The following MICAL1 variants were observed in gnomAD, a reference collection of about 807,000 sequenced individuals.
MICAL1 encodes the protein microtubule associated monooxygenase, calponin and LIM domain containing 1, also known as [F-actin]-monooxygenase MICAL1.
A neutral mutation model predicts 131.8 loss-of-function variants in MICAL1; 95 were observed. The observed-to-expected ratio is 0.72, with a 90% CI of 0.61 to 0.86. MICAL1 has a LOEUF of 0.86. MICAL1 is among the 40% of genes least tolerant of loss of function. MICAL1 has a pLI of 0.00. For synonymous variants in MICAL1, 546 were observed against 554.2 expected, an observed-to-expected ratio of 0.99 and a Z score of 0.21; for missense variants, 1,292 against 1,380.6, an observed-to-expected ratio of 0.94 and a Z score of 1.02.
rs1477806410 is a variant in MICAL1, at chr6:109,449,701, T to A, written c.1390A>T (p.Thr464Ser). 6.3e-7 allele frequency: 1 copy of A among 1,589,898 alleles called. No homozygotes were observed. Among genetic ancestry groups the A allele is most frequent in the South Asian group, 1.2e-5 (1 of 86,186 alleles). Residue 464 changes from threonine (T) to serine (S), a missense_variant, in exon 10 of 25, where the codon ACC (threonine) becomes TCC (serine). By Grantham distance (58) the Thr-to-Ser change is moderately conservative (BLOSUM62 1). Coordinates refer to ENST00000358807, the MANE Select transcript of MICAL1 (RefSeq NM_022765.4). ...CGGAGGTTCAGGTTGGGGTAGCGGG[T>A]GGCTGGGTCCAGCCCATACTGGGCC... ...NVAQYGLDPA[T>S]RYPNLNLRAV...
chr6:109,453,901 G>C lies in MICAL1; in HGVS notation c.258+38C>G, dbSNP rs550537810. ...CATCCTGTCCGTCCTCTGACTCCCC[G>C]CATGCTCCACACCCCATCCCAGGCA... On this transcript the variant is annotated intron_variant, in intron 2 of 24. Coordinates refer to ENST00000358807, the MANE Select transcript of MICAL1 (RefSeq NM_022765.4). 9 of 1,610,136 alleles carry C rather than the reference G, an allele frequency of 5.6e-6. No individual in the cohort carries two copies. The East Asian group carries it at 1.8e-4, about 32-fold the overall frequency.
rs1775335631 is a variant in MICAL1, at chr6:109,448,235, T to G, written c.1823A>C (p.His608Pro). The G allele has an allele frequency of 3.1e-6, 5 of 1,613,386 alleles. No homozygotes were observed. The highest frequency in any genetic ancestry group is 4.2e-6 in the Non-Finnish European group (5 of 1,179,984). The stretch of plus-strand genomic sequence containing the variant: ...GTGGGCCATGCTCTTGAAGGCACTG[T>G]GGAAGTGGCTGAGGTAGGCAATGAG... ...LGLIAYLSHF[H>P]SAFKSMAHSP... The change falls in exon 13 of 25, where the codon CAC becomes CCC. Residue 608 changes from histidine to proline, a missense_variant. His to Pro is a moderately conservative substitution (Grantham distance 77). Coordinates refer to ENST00000358807, the MANE Select transcript of MICAL1 (RefSeq NM_022765.4).
In MICAL1 at chr6:109,447,206, T is replaced by G. The variant is rs775766073; in HGVS notation, c.2094A>C (p.Ala698=). The G allele has an allele frequency of 1.9e-6, 3 of 1,614,030 alleles. No individual in the cohort carries two copies. The South Asian group carries it at 3.3e-5, about 18-fold the overall frequency. ...GGACATAGAGGTGTTCCCCACAAAG[T>G]GCACACAGGTCCCCAGCACCGGCCT... is the stretch of plus-strand genomic sequence containing the variant. ...HQEAGAGDLC[A]LCGEHLYVLE... The change falls in exon 17 of 25, where the codon GCA becomes GCC. Residue 698 remains alanine, a synonymous_variant. Coordinates refer to ENST00000358807, the MANE Select transcript of MICAL1 (RefSeq NM_022765.4).
chr6:109,448,501 G>C, intron 12 of MICAL1, 108 bp from the exon 13 acceptor site: 2 of 1,353,470 alleles, frequency 1.5e-6, no homozygotes, highest in South Asian at 2.5e-5. Context: ...TGGGGTACAA[G>C]AAGGCTTGAA....
At position 109,463,410 on chromosome 6, in the gene MICAL1, G is replaced by A. The variant is rs77852825; in HGVS notation, c.14+2254C>T. 417 of 152,270 alleles carry A rather than the reference G, an allele frequency of 2.7e-3. 1 individual carries two copies. Among genetic ancestry groups the A allele is most frequent in the African/African-American group, 9.6e-3 (400 of 41,544 alleles). 9.4% of individuals were successfully genotyped at this position (152,270 alleles called of 1,614,324 possible). On this transcript the variant is annotated intron_variant, in intron 1 of 24. Transcript: ENST00000630715. ...GGTCAAATAATTCAGGCATAGCTAG[G>A]ACTGATGCTCAAGTTAGAAACAGGT...
rs759254180 is a variant in MICAL1 at position 109,446,224 on chromosome 6, G to C, written c.2493C>G (p.Pro831=). ...AGGCGGAGCAGCTGCGGGGAGGCTT[G>C]GGTGGAGGCTCCATTTCCGGGTCAG... ...LTPDPEMEPP[P]KPPRSCSALA... The change falls in exon 19 of 25, where the codon CCC becomes CCG. Residue 831 remains proline, a synonymous_variant. Transcript: ENST00000358807. 5.0e-6 allele frequency: 8 copies of C among 1,605,882 alleles called. No individual in the cohort carries two copies. In the East Asian group the frequency reaches 1.6e-4, roughly 31 times the overall value.
Position 109,446,683 on chromosome 6 carries a change from C to T in MICAL1, c.2304+13G>A, listed in dbSNP as rs765709151. ...CCCATGCCCCAATATACATACACGC[C>T]TTCAGTCTTTACCGGACTCTCAGGG... On this transcript the variant is annotated intron_variant, in intron 18 of 24. Coordinates refer to ENST00000358807, the MANE Select transcript of MICAL1 (RefSeq NM_022765.4). The T allele has an allele frequency of 4.3e-5, 70 of 1,612,584 alleles. No homozygotes were observed. In the Admixed American group the frequency reaches 1.1e-3, roughly 26 times the overall value.
upstream of MICAL1, chr6:109,455,789 G>A (rs1346238080): frequency 4.5e-6 from 3 of 661,222 alleles, no homozygotes; most frequent in African/African-American, 1.2e-4. This position sits in a 1 kb window ranked among gnomAD's most constrained non-coding sequence, Gnocchi z 4.7. Flanking sequence ...GTGGGAGGGC[G>A]GGGGCGGGGG....
chr6:109,465,640 G>C (rs1164564937), intron 1 of MICAL1: 2 of 1,548,056 alleles, frequency 1.3e-6, no homozygotes, highest in African/African-American at 2.7e-5. Flanking sequence ...CAATAATATT[G>C]AAATGCTCAA....
At position 109,454,189 on chromosome 6, in the gene MICAL1, G is replaced by A; in HGVS notation, c.8C>T (p.Ser3Leu). 6.3e-7 allele frequency: 1 copy of A among 1,598,600 alleles called. No individual in the cohort carries two copies. Among genetic ancestry groups the A allele is most frequent in the Non-Finnish European group, 8.5e-7 (1 of 1,172,720 alleles). The change falls in exon 2 of 25, where the codon TCA becomes TTA. Residue 3 changes from serine to leucine, a missense_variant. Physicochemically the swap from Ser to Leu is moderately radical, Grantham distance 145. Coordinates refer to ENST00000358807, the MANE Select transcript of MICAL1 (RefSeq NM_022765.4). ...ATGCGCTGGGTTGGTGGAGGTAGGT[G>A]AAGCCATGGAGGCCTCCTGGGGAGG... MA[S>L]PTSTNPAHAH...
rs1472727132 is a variant in MICAL1, at chr6:109,454,250, G to A, written c.-43-11C>T. On this transcript the variant is annotated splice_polypyrimidine_tract_variant and intron_variant, in intron 1 of 24. Transcript: ENST00000358807. ...GGCAGAGATGAGTGGCTGGAGAGGT[G>A]GAAAAAGAAGGGGAAGAGGCTGGAG... is the stretch of plus-strand genomic sequence containing the variant. The A allele has an allele frequency of 6.5e-7, 1 of 1,541,026 alleles. No individual in the cohort carries two copies. The highest frequency in any genetic ancestry group is 8.7e-7 in the Non-Finnish European group (1 of 1,143,688).
rs2115333469 is a variant in MICAL1, at chr6:109,450,097, G to A, written c.1192-12C>T. The A allele has an allele frequency of 6.2e-7, 1 of 1,611,236 alleles. No homozygotes were observed. Among genetic ancestry groups the A allele is most frequent in the Non-Finnish European group, 8.5e-7 (1 of 1,178,272 alleles). On this transcript the variant is annotated splice_polypyrimidine_tract_variant and intron_variant, in intron 8 of 24. Coordinates refer to ENST00000358807, the MANE Select transcript of MICAL1 (RefSeq NM_022765.4). ...AGGGGCCAGAAGGGCTGCAGTGTCA[G>A]AGGAATAGGAAGCAGCTCAGGGAGA...
intron 7 of MICAL1, 64 bp from the exon 8 acceptor site, chr6:109,450,621 C>G (rs1775500708): frequency 6.6e-7 from 1 of 1,518,928 alleles, no homozygotes; most frequent in Non-Finnish European, 8.9e-7. Context: ...GCCAGTGCCA[C>G]CCCCTTGGGC....
chr6:109,461,014 G>GT (rs1161264998), intron 1 of MICAL1, among the ~76,000 whole-genome samples: 1 of 151,900 alleles, frequency 6.6e-6, no homozygotes, highest in Non-Finnish European at 1.5e-5. Flanking sequence ...CAACATGCAG[G>GT]TTACATAGGT....
intron 18 of MICAL1, 133 bp from the exon 19 acceptor site, chr6:109,446,545 CAAG>C: frequency 1.4e-6 from 2 of 1,381,876 alleles, no homozygotes; most frequent in Non-Finnish European, 2.0e-6. Flanking sequence ...CTTGAGAGAA[CAAG>C]AAGTGTAAGC....
chr6:109,447,422 T>A lies in MICAL1; in HGVS notation c.2005A>T (p.Ser669Cys). 6.2e-7 allele frequency: 1 copy of A among 1,613,134 alleles called. No individual in the cohort carries two copies. Among genetic ancestry groups the A allele is most frequent in the Non-Finnish European group, 8.5e-7 (1 of 1,179,620 alleles). ...LRLEMEAETP[S>C]TEVPPDPEPG... ...TCTGGGTCAGGTGGCACCTCAGTAC[T>A]TGGGGTCTCGGCCTCCATCTAAGGA... The change falls in exon 16 of 25, where the codon AGT becomes TGT. Residue 669 changes from serine (S) to cysteine (C), a missense_variant. Physicochemically the swap from Ser to Cys is moderately radical, Grantham distance 112. Coordinates refer to ENST00000358807, the MANE Select transcript of MICAL1 (RefSeq NM_022765.4).
intron 12 of MICAL1, 85 bp from the exon 13 acceptor site, chr6:109,448,478 A>G (rs1405205213): frequency 2.0e-6 from 3 of 1,467,080 alleles, no homozygotes; most frequent in Middle Eastern, 1.8e-4. Flanking sequence ...GGGGAGGGAC[A>G]GCAAGCAGCA....
At position 109,455,684 on chromosome 6, in the gene MICAL1, G is replaced by GC. The variant is rs1205464835; in HGVS notation, c.-44+34dup. 10 of 985,026 alleles carry GC rather than the reference G, an allele frequency of 1.0e-5. No homozygotes were observed. In the East Asian group the frequency reaches 8.0e-4, roughly 79 times the overall value. The allele number at this position is 985,026 out of a possible 1,614,324, so 61.0% of individuals were successfully genotyped here. On this transcript the variant is annotated intron_variant, in intron 1 of 24. Transcript: ENST00000358807. The surrounding 1 kb of genome is among the most constrained non-coding windows in gnomAD (Gnocchi z 4.7). The stretch of plus-strand genomic sequence containing the variant: ...GCACCCCACCTCACCCCACCCGGCC[G>GC]CGGGGCTCGCAGCCGGCTCCGCTGG...
chr6:109,445,905 C>T (rs1775195704), intron 19 of MICAL1, 43 bp from the exon 20 acceptor site: 1 of 1,570,396 alleles, frequency 6.4e-7, no homozygotes, highest in Non-Finnish European at 8.6e-7. Context: ...CCAGCGCCTG[C>T]CCCAGTCAGG....
Sources: allele counts gnomAD v4.1 joint callset (sites outside exome capture counted in the v4.1 genomes callset), GRCh38; gene constraint gnomAD v4.1.1; non-coding constraint Gnocchi (gnomAD v3.1); transcripts MANE v1.5; gene names NCBI Gene and HGNC (gene_info 2026-07-23, HGNC 2026-07-21).